Variants in ARFIP1 observed in about 807,000 individuals in gnomAD.
ARFIP1 encodes ARF interacting protein 1.
A neutral mutation model predicts 42.5 loss-of-function variants in ARFIP1; 24 were observed. The observed-to-expected ratio is 0.57, with a 90% CI of 0.41 to 0.80. The LOEUF is 0.80. Ranked by LOEUF, ARFIP1 falls within the 30% of genes least tolerant of loss-of-function variation. The pLI, the probability that ARFIP1 is intolerant of heterozygous loss-of-function variation, is 0.00. For synonymous variants in ARFIP1, 141 were observed against 153.7 expected, an observed-to-expected ratio of 0.92 and a Z score of 0.61; for missense variants, 354 against 434.0, an observed-to-expected ratio of 0.82 and a Z score of 1.64.
intron 2 of ARFIP1, among the ~76,000 whole-genome samples, chr4:152,833,091 A>G (rs1731375325): frequency 6.6e-6 from 1 of 152,196 alleles, no homozygotes; most frequent in Non-Finnish European, 1.5e-5. Flanking sequence ...AACAATCAAC[A>G]AAATGAAAAG....
intron 1 of ARFIP1, among the ~76,000 whole-genome samples, chr4:152,817,358 G>A (rs948368544): frequency 3.3e-5 from 5 of 152,186 alleles, no homozygotes; most frequent in Non-Finnish European, 7.3e-5. Flanking sequence ...CCATTAAATG[G>A]AGACAGGATA....
intron 1 of ARFIP1, among the ~76,000 whole-genome samples, chr4:152,808,922 T>C (rs1033697357): frequency 8.5e-5 from 13 of 152,050 alleles, no homozygotes; most frequent in Non-Finnish European, 1.9e-4. Flanking sequence ...CATGGTGGCA[T>C]GTGCCTGTAA....
chr4:152,871,354 TG>T lies in ARFIP1; in HGVS notation c.298+509del, dbSNP rs1454173958. ...CCAGTTATACCCAATGAAAAATACT[TG>T]GGAAAATCAGTATCTTTACATTCAA... On this transcript the variant is annotated intron_variant, in intron 4 of 8. Transcript: ENST00000353617. Among the ~76,000 whole-genome samples the T allele has an allele frequency of 2.6e-5, 4 of 152,192 alleles. No homozygotes were observed. In the East Asian group the frequency reaches 5.8e-4, roughly 22 times the overall value.
chr4:152,842,250 C>T (rs1403806847), intron 2 of ARFIP1, among the ~76,000 whole-genome samples: 2 of 151,320 alleles, frequency 1.3e-5, no homozygotes, highest in Non-Finnish European at 1.5e-5. Context: ...CCCAAGCATT[C>T]GAGCCAGCAA....
At chr4:152,864,800 G>A (rs753269823) in intron 3 of ARFIP1, among the ~76,000 whole-genome samples, 6 of 151,866 alleles carry the variant, frequency 4.0e-5, no homozygotes, top group Middle Eastern at 3.4e-3. Context: ...AAGGATAGCA[G>A]TTAGACCTGC....
intron 1 of ARFIP1, among the ~76,000 whole-genome samples, chr4:152,791,663 A>G (rs1219408068): frequency 3.3e-5 from 5 of 152,134 alleles, no homozygotes; most frequent in African/African-American, 9.6e-5. Context: ...GAATTTTGTT[A>G]TAGTTTATAA....
intron 2 of ARFIP1, among the ~76,000 whole-genome samples, chr4:152,852,055 A>G (rs1733030708): frequency 6.6e-6 from 1 of 152,198 alleles, no homozygotes; most frequent in African/African-American, 2.4e-5. Flanking sequence ...TATTTTTAAA[A>G]ACTATTAAAT....
chr4:152,863,283 T>G (rs562586901), intron 2 of ARFIP1, among the ~76,000 whole-genome samples: 1 of 152,338 alleles, frequency 6.6e-6, no homozygotes, highest in Admixed American at 6.5e-5. Flanking sequence ...TTGAATGATC[T>G]TAATTTTGCT....
chr4:152,814,569 T>C (rs1364896697), intron 1 of ARFIP1, among the ~76,000 whole-genome samples: 1 of 152,168 alleles, frequency 6.6e-6, no homozygotes, highest in East Asian at 1.9e-4. Context: ...AAACAAAAAA[T>C]TAGCCAGGCA....
intron 3 of ARFIP1, among the ~76,000 whole-genome samples, chr4:152,869,022 T>G (rs1331993498): frequency 1.3e-5 from 2 of 152,194 alleles, no homozygotes; most frequent in East Asian, 1.9e-4. Flanking sequence ...TTTAACAGAT[T>G]TAAAGAGAAA....
chr4:152,804,264 T>C (rs188003350), intron 1 of ARFIP1, among the ~76,000 whole-genome samples: 355 of 11,368 alleles, frequency 0.031, 130 homozygotes, highest in Middle Eastern at 0.1. Flanking sequence ...ACATGTATTA[T>C]ATATTATATA....
intron 8 of ARFIP1, among the ~76,000 whole-genome samples, chr4:152,904,898 G>C (rs1202780839): frequency 6.6e-6 from 1 of 152,062 alleles, no homozygotes; most frequent in Non-Finnish European, 1.5e-5. Flanking sequence ...ATATTTTTGG[G>C]GGGGTATATA....
chr4:152,871,604 T>TTTTTACTGGGGGCTGATCACA (rs1427282343), intron 4 of ARFIP1, among the ~76,000 whole-genome samples: 3 of 152,098 alleles, frequency 2.0e-5, no homozygotes, highest in Non-Finnish European at 1.5e-5. Context: ...TTTTTGGGGA[T>TTTTTACTGGGGGCTGATCACA]TTTTACTGGG....
At chr4:152,826,258 T>A (rs1730828154) in intron 1 of ARFIP1, among the ~76,000 whole-genome samples, 3 of 151,966 alleles carry the variant, frequency 2.0e-5, no homozygotes, top group Non-Finnish European at 4.4e-5. Flanking sequence ...GAAAATGGGG[T>A]TTATATATAC....
At chr4:152,851,951 C>T (rs1456993655) in intron 2 of ARFIP1, among the ~76,000 whole-genome samples, 1 of 152,042 alleles carries the variant, frequency 6.6e-6, no homozygotes, top group Non-Finnish European at 1.5e-5. Context: ...ACAAATATTA[C>T]TTTGTATTCT....
At chr4:152,890,262 G>A (rs1736730834) in intron 8 of ARFIP1, among the ~76,000 whole-genome samples, 2 of 152,046 alleles carry the variant, frequency 1.3e-5, no homozygotes, top group East Asian at 3.9e-4. Context: ...GCCTTGGAAT[G>A]TGTACACTGA....
chr4:152,800,754 G>C (rs537362617), intron 1 of ARFIP1, among the ~76,000 whole-genome samples: 44 of 152,200 alleles, frequency 2.9e-4, no homozygotes, highest in Non-Finnish European at 5.7e-4. Flanking sequence ...AGTGAAACGA[G>C]TACAGATCCT....
At chr4:152,846,954 A>G (rs1217849834) in intron 2 of ARFIP1, among the ~76,000 whole-genome samples, 3 of 150,816 alleles carry the variant, frequency 2.0e-5, no homozygotes, top group Non-Finnish European at 4.4e-5. Flanking sequence ...TGTGTTTCTC[A>G]TTGCAGATAT....
chr4:152,890,009 A>T (rs1331771439), intron 8 of ARFIP1, among the ~76,000 whole-genome samples: 1 of 149,474 alleles, frequency 6.7e-6, no homozygotes, highest in East Asian at 1.9e-4. Flanking sequence ...GGATGTGAAT[A>T]TATCAATATT....
Sources: gnomAD v4.1 joint callset for allele counts (sites outside exome capture counted in the v4.1 genomes callset) on GRCh38, gnomAD v4.1.1 for gene constraint, MANE v1.5 for transcripts, NCBI Gene and HGNC (gene_info 2026-07-23, HGNC 2026-07-21) for gene names.